Variants in DYNC1I1 observed in about 807,000 individuals in gnomAD.
DYNC1I1 encodes the protein cytoplasmic dynein 1 intermediate chain 1.
Under a neutral mutation model 86.6 loss-of-function variants are expected in DYNC1I1, and 43 were observed. The ratio of observed to expected loss-of-function variants is 0.50; its 90% CI spans 0.39 to 0.64. The LOEUF is 0.64. DYNC1I1 is among the 30% of genes least tolerant of loss of function. DYNC1I1 has a pLI of 0.00. For missense variants in DYNC1I1, 604 were observed against 788.8 expected, an observed-to-expected ratio of 0.77 and a Z score of 2.81; for synonymous variants, 262 against 283.7, an observed-to-expected ratio of 0.92 and a Z score of 0.77.
intron 10 of DYNC1I1, among the ~76,000 whole-genome samples, chr7:96,012,770 G>A (rs923280725): frequency 3.9e-5 from 6 of 152,128 alleles, no homozygotes; most frequent in African/African-American, 9.7e-5. Context: ...TGTTGACCAC[G>A]CTGATAGAAT....
chr7:95,787,220 T>A (rs1178341380), intron 1 of DYNC1I1, among the ~76,000 whole-genome samples: 2 of 152,196 alleles, frequency 1.3e-5, no homozygotes, highest in Non-Finnish European at 2.9e-5. Context: ...TGCCCTTGCT[T>A]ATAGGTCAGT....
chr7:95,796,167 T>TTG (rs1209053379), intron 1 of DYNC1I1, among the ~76,000 whole-genome samples: 3 of 151,924 alleles, frequency 2.0e-5, no homozygotes, highest in South Asian at 4.2e-4. Flanking sequence ...TAACGCCCAT[T>TTG]TGTGTGTGTG....
At chr7:95,940,802 C>G (rs1792189986) in intron 6 of DYNC1I1, among the ~76,000 whole-genome samples, 1 of 152,208 alleles carries the variant, frequency 6.6e-6, no homozygotes, top group Admixed American at 6.5e-5. Flanking sequence ...CTCAACTTGT[C>G]AAAGTCATTC....
chr7:96,029,402 C>T (rs1794756074), intron 11 of DYNC1I1, among the ~76,000 whole-genome samples: 1 of 152,136 alleles, frequency 6.6e-6, no homozygotes, highest in Non-Finnish European at 1.5e-5. Context: ...GAAACCATGC[C>T]TTGGCCCTGT....
chr7:95,799,103 G>T (rs981108655), intron 1 of DYNC1I1, among the ~76,000 whole-genome samples: 3 of 152,102 alleles, frequency 2.0e-5, no homozygotes, highest in African/African-American at 7.2e-5. Context: ...AAACTGAGGG[G>T]CCGGGTGTGG....
chr7:95,824,166 T>A (rs1048439254), intron 4 of DYNC1I1, among the ~76,000 whole-genome samples: 5 of 149,664 alleles, frequency 3.3e-5, no homozygotes, highest in African/African-American at 7.4e-5. Context: ...AATTTCTGTA[T>A]TTTTTTGTAG....
intron 5 of DYNC1I1, among the ~76,000 whole-genome samples, chr7:95,833,677 G>A (rs1286761628): frequency 6.7e-6 from 1 of 150,296 alleles, no homozygotes; most frequent in Non-Finnish European, 1.5e-5. Context: ...CCTTGAAGAG[G>A]TCCCTCACGT....
chr7:95,783,459 A>G (rs1794048671), intron 1 of DYNC1I1, among the ~76,000 whole-genome samples: 1 of 152,178 alleles, frequency 6.6e-6, no homozygotes, highest in South Asian at 2.1e-4. Flanking sequence ...CCAATGTCTA[A>G]TAGAGGGAAA....
In DYNC1I1 at chr7:95,888,309, C is replaced by T. The variant is rs185130769; in HGVS notation, c.490+18311C>T. On this transcript the variant is annotated intron_variant, in intron 6 of 16. Coordinates refer to ENST00000447467, the MANE Select transcript of DYNC1I1 (RefSeq NM_001135556.2). ...AAATCTAGCTGAACGTGGTAGTGCA[C>T]GCCTGTAGTCCCAGCTACTTGGGAG... Among the ~76,000 whole-genome samples the T allele has an allele frequency of 1.5e-3, 227 of 152,106 alleles. 1 individual carries two copies. Among genetic ancestry groups the T allele is most frequent in the Non-Finnish European group, 2.5e-3 (169 of 67,998 alleles).
At chr7:95,888,546 T>C (rs1028307452) in intron 6 of DYNC1I1, among the ~76,000 whole-genome samples, 1 of 152,234 alleles carries the variant, frequency 6.6e-6, no homozygotes, top group African/African-American at 2.4e-5. Context: ...TTTGCCACCA[T>C]TGACCACCAC....
At chr7:95,985,716 C>T (rs1793573289) in intron 8 of DYNC1I1, among the ~76,000 whole-genome samples, 1 of 151,994 alleles carries the variant, frequency 6.6e-6, no homozygotes, top group Non-Finnish European at 1.5e-5. Context: ...TTTCATCAGG[C>T]CTGATTTTTT....
chr7:95,937,949 T>C (rs890362384), intron 6 of DYNC1I1, among the ~76,000 whole-genome samples: 16 of 152,170 alleles, frequency 1.1e-4, no homozygotes, highest in African/African-American at 3.9e-4. Context: ...ATATAATATA[T>C]ATACACTCAC....
chr7:95,797,610 G>T (rs945593878), intron 1 of DYNC1I1, among the ~76,000 whole-genome samples: 1 of 152,126 alleles, frequency 6.6e-6, no homozygotes, highest in Non-Finnish European at 1.5e-5. Context: ...CAACGTTTAG[G>T]ATAGACCAAT....
chr7:96,081,545 A>G (rs578073605), intron 16 of DYNC1I1, among the ~76,000 whole-genome samples: 1 of 152,326 alleles, frequency 6.6e-6, no homozygotes, highest in African/African-American at 2.4e-5. Context: ...GCAAAACAAA[A>G]TAAGAGCGTT....
At chr7:95,949,300 C>G (rs1361728030) in intron 6 of DYNC1I1, among the ~76,000 whole-genome samples, 2 of 152,182 alleles carry the variant, frequency 1.3e-5, no homozygotes, top group African/African-American at 4.8e-5. Context: ...ACATAAATCC[C>G]TTTTGGAATT....
chr7:95,890,577 G>A (rs942443140), intron 6 of DYNC1I1, among the ~76,000 whole-genome samples: 1 of 152,060 alleles, frequency 6.6e-6, no homozygotes, highest in Non-Finnish European at 1.5e-5. Flanking sequence ...ATGCACCACT[G>A]TACCTAAAAT....
intron 7 of DYNC1I1, among the ~76,000 whole-genome samples, chr7:95,983,811 C>G (rs1043645618): frequency 6.6e-6 from 1 of 152,064 alleles, no homozygotes; most frequent in African/African-American, 2.4e-5. Flanking sequence ...AATGCACTAC[C>G]CTCCTCCTGT....
At chr7:95,926,940 T>C (rs1791761603) in intron 6 of DYNC1I1, among the ~76,000 whole-genome samples, 1 of 152,172 alleles carries the variant, frequency 6.6e-6, no homozygotes, top group African/African-American at 2.4e-5. Flanking sequence ...TCAAACTAGT[T>C]TTTTCATTTG....
chr7:96,027,675 T>C (rs1794713809), intron 10 of DYNC1I1, among the ~76,000 whole-genome samples: 1 of 152,134 alleles, frequency 6.6e-6, no homozygotes, highest in South Asian at 2.1e-4. Flanking sequence ...AAGTCTACAT[T>C]AAGGGAAAAA....
Sources: allele counts gnomAD v4.1 joint callset (sites outside exome capture counted in the v4.1 genomes callset), GRCh38; gene constraint gnomAD v4.1.1; transcripts MANE v1.5; gene names NCBI Gene and HGNC (gene_info 2026-07-23, HGNC 2026-07-21).